Variants in INTS6 observed in about 807,000 individuals in gnomAD.
INTS6 encodes the protein integrator complex subunit 6.
A neutral mutation model predicts 104.9 loss-of-function variants in INTS6; 16 were observed. The observed-to-expected ratio is 0.15, with a 90% CI of 0.10 to 0.23. The LOEUF (loss-of-function observed/expected upper bound fraction) is 0.23, where lower values mean the gene tolerates loss of function less well. INTS6 is among the 10% of genes least tolerant of loss of function. The pLI is 1.00. For synonymous variants in INTS6, 324 were observed against 358.7 expected, an observed-to-expected ratio of 0.90 and a Z score of 1.09; for missense variants, 584 against 1,062.8, an observed-to-expected ratio of 0.55 and a Z score of 6.26.
intron 4 of INTS6, among the ~76,000 whole-genome samples, chr13:51,423,515 A>T (rs1234689485): frequency 6.6e-6 from 1 of 152,084 alleles, no homozygotes; most frequent in East Asian, 1.9e-4. Flanking sequence ...CTCTCTCCTC[A>T]TATATGGGGT....
chr13:51,383,293 T>A lies in INTS6; in HGVS notation c.1180+36A>T, dbSNP rs776406287. On this transcript the variant is annotated intron_variant, in intron 9 of 17. Transcript: ENST00000311234. ...AATGCGCTTTAGGAGAACTTTTATA[T>A]GCTAAGCCAAGGAGAAAGTGACAAG... is the stretch of plus-strand genomic sequence containing the variant. 4.5e-6 allele frequency: 7 copies of A among 1,559,332 alleles called. 1 individual carries two copies. The highest frequency in any genetic ancestry group is 1.7e-4 in the Middle Eastern group (1 of 5,814).
chr13:51,346,336 G>A, the INTS6 span, among the ~76,000 whole-genome samples: 3 of 152,088 alleles, frequency 2.0e-5, no homozygotes, highest in Admixed American at 1.3e-4. Flanking sequence ...GACTGGGGGC[G>A]ACAATGTGCA....
In INTS6 at chr13:51,420,533, T is replaced by C. The variant is rs146007273; in HGVS notation, c.429+9761A>G. Among the ~76,000 whole-genome samples, 518 of 152,202 alleles carry C rather than the reference T, an allele frequency of 3.4e-3. 3 individuals carry two copies. Among genetic ancestry groups the C allele is most frequent in the African/African-American group, 0.012 (488 of 41,538 alleles). On this transcript the variant is annotated intron_variant, in intron 4 of 17. Transcript: ENST00000311234. ...TCTTTTTCTGGTGCTAAAAATGTCA[T>C]TGAAATGATGCAGGTAGTACTAATA...
At chr13:51,376,680 C>G (rs1180584559) in intron 12 of INTS6, among the ~76,000 whole-genome samples, 1 of 152,142 alleles carries the variant, frequency 6.6e-6, no homozygotes, top group Non-Finnish European at 1.5e-5. Flanking sequence ...TGCTTTCTTT[C>G]TATGCTCCAT....
chr13:51,383,755 T>C lies in INTS6; in HGVS notation c.895-14A>G, dbSNP rs1164381816. 1.3e-6 allele frequency: 2 copies of C among 1,575,098 alleles called. No individual in the cohort carries two copies. Among genetic ancestry groups the C allele is most frequent in the African/African-American group, 2.7e-5 (2 of 73,526 alleles). ...TGTACGAGGTGGCTAAAGGGGAAAGTCTTGTAATTACTACTTACATGAAAT... is the reference window on the plus strand; with the variant it reads ...TGTACGAGGTGGCTAAAGGGGAAAGCCTTGTAATTACTACTTACATGAAAT... On this transcript the variant is annotated splice_polypyrimidine_tract_variant and intron_variant, in intron 7 of 17. Transcript: ENST00000311234.
At chr13:51,392,786 GATT>G (rs1369855982) in intron 5 of INTS6, among the ~76,000 whole-genome samples, 3 of 151,940 alleles carry the variant, frequency 2.0e-5, no homozygotes, top group African/African-American at 7.3e-5. Context: ...TATTTTCCAT[GATT>G]ATTATCTGTC....
chr13:51,335,083 A>T, the INTS6 span, among the ~76,000 whole-genome samples: 1 of 152,178 alleles, frequency 6.6e-6, no homozygotes, highest in African/African-American at 2.4e-5. Flanking sequence ...AGCTCAGAAC[A>T]TACCCATGTG....
At chr13:51,348,156 T>C in the INTS6 span, 1 of 1,359,676 alleles carries the variant, frequency 7.4e-7, no homozygotes, top group Non-Finnish European at 1.0e-6. Context: ...GGTCCGACAC[T>C]GGTTCATTCT....
At chr13:51,358,665 C>A (rs1458712343), downstream of INTS6, among the ~76,000 whole-genome samples, 2 of 151,754 alleles carry the variant, frequency 1.3e-5, no homozygotes, top group African/African-American at 4.8e-5. Flanking sequence ...GTAAGTTGGG[C>A]AAAGAAATAT....
chr13:51,353,033 A>C (rs1304927120), downstream of INTS6, among the ~76,000 whole-genome samples: 1 of 152,146 alleles, frequency 6.6e-6, no homozygotes, highest in Non-Finnish European at 1.5e-5. Context: ...TATATTCATA[A>C]GGTATATTGG....
At chr13:51,438,350 TAAAAA>T (rs71085086) in intron 3 of INTS6, 3 of 145,682 alleles carry the variant, frequency 2.1e-5, no homozygotes, top group African/African-American at 7.5e-5. Flanking sequence ...TGCCTATCAT[TAAAAA>T]AAAAAAAGTT....
In INTS6 at chr13:51,361,958, A is replaced by G; in HGVS notation, c.*3794T>C. On this transcript the variant is annotated 3_prime_UTR_variant, in exon 18 of 18. Coordinates refer to ENST00000311234, the MANE Select transcript of INTS6 (RefSeq NM_012141.3). ...AGTGTCTCTCTAGCAACAAGGGCTC[A>G]TTTGTCCACTATCCCCTCAAAAATA... 6.2e-7 allele frequency: 1 copy of G among 1,611,604 alleles called. No individual in the cohort carries two copies. Among genetic ancestry groups the G allele is most frequent in the East Asian group, 2.2e-5 (1 of 44,782 alleles).
chr13:51,404,546 T>G (rs1015147583), intron 4 of INTS6, among the ~76,000 whole-genome samples: 1 of 152,076 alleles, frequency 6.6e-6, no homozygotes, highest in Non-Finnish European at 1.5e-5. Flanking sequence ...ACATATTCCA[T>G]AAGCTGGCAC....
At chr13:51,338,285 A>G in the INTS6 span, among the ~76,000 whole-genome samples, 2 of 152,230 alleles carry the variant, frequency 1.3e-5, no homozygotes, top group Non-Finnish European at 2.9e-5. Context: ...CTGCCGCTCC[A>G]TCACCATCAA....
At chr13:51,381,045 T>C (rs963129135) in intron 10 of INTS6, among the ~76,000 whole-genome samples, 3 of 152,194 alleles carry the variant, frequency 2.0e-5, no homozygotes, top group Admixed American at 6.5e-5. Flanking sequence ...ACTGAACATA[T>C]ATACAGACTC....
At chr13:51,404,101 C>G (rs186513853) in intron 4 of INTS6, among the ~76,000 whole-genome samples, 14,101 of 129,008 alleles carry the variant, frequency 0.11, 796 homozygotes, top group South Asian at 0.19. Context: ...CACACACACA[C>G]ACAGAGAGAG....
exon 4 of INTS6, chr13:51,354,135 G>T (rs1202998467): frequency 6.6e-6 from 1 of 151,972 alleles, no homozygotes; most frequent in African/African-American, 2.4e-5. Context: ...TCTATTAATT[G>T]TCAATAAGGC....
At chr13:51,431,875 C>G (rs950143531) in intron 3 of INTS6, among the ~76,000 whole-genome samples, 9 of 152,078 alleles carry the variant, frequency 5.9e-5, no homozygotes, top group African/African-American at 9.7e-5. Flanking sequence ...ATTTATCCCT[C>G]CTTTTCCTCT....
At chr13:51,392,140 C>T (rs151017724) in intron 5 of INTS6, among the ~76,000 whole-genome samples, 1 of 152,314 alleles carries the variant, frequency 6.6e-6, no homozygotes, top group East Asian at 1.9e-4. Context: ...ATTCTTGCCA[C>T]TCTATATTCT....
Sources: allele counts gnomAD v4.1 joint callset (sites outside exome capture counted in the v4.1 genomes callset), GRCh38; gene constraint gnomAD v4.1.1; transcripts MANE v1.5; gene names NCBI Gene and HGNC (gene_info 2026-07-23, HGNC 2026-07-21).